Variants in ZPBP observed in about 807,000 individuals in gnomAD.
The protein encoded by ZPBP is zona pellucida binding protein, also known as zona pellucida-binding protein 1.
A neutral mutation model predicts 44.8 loss-of-function variants in ZPBP; 26 were observed. That is an observed-to-expected ratio of 0.58 (90% CI 0.43 to 0.81). The LOEUF (loss-of-function observed/expected upper bound fraction) is 0.81, where lower values mean the gene tolerates loss of function less well. ZPBP is among the 30% of genes least tolerant of loss of function. The probability of loss-of-function intolerance (pLI) is 0.00; values close to 1 mark genes in which losing one functional copy is unlikely to be tolerated. For synonymous variants in ZPBP, 174 were observed against 153.2 expected (o/e 1.14, Z -1.00); for missense variants, 409 against 434.0 (o/e 0.94, Z 0.51).
chr7:49,979,979 AT>A (rs1363392891), intron 7 of ZPBP, among the ~76,000 whole-genome samples: 6 of 106,294 alleles, frequency 5.6e-5, no homozygotes, highest in South Asian at 2.6e-4. Context: ...TATATTATAT[AT>A]TAATATAATT....
intron 7 of ZPBP, among the ~76,000 whole-genome samples, chr7:49,979,869 A>T (rs866531730): frequency 4.2e-5 from 3 of 71,156 alleles, no homozygotes; most frequent in Non-Finnish European, 8.3e-5. Context: ...ATATAATATA[A>T]TATATTATAT....
intron 4 of ZPBP, among the ~76,000 whole-genome samples, chr7:50,049,634 A>T (rs1482129475): frequency 6.6e-6 from 1 of 152,036 alleles, no homozygotes; most frequent in African/African-American, 2.4e-5. Context: ...ACAATCCTCA[A>T]ATATAAACGT....
Position 50,081,792 on chromosome 7 carries a change from T to C in ZPBP, c.316A>G (p.Lys106Glu). 1 of 1,611,352 alleles carries C rather than the reference T, an allele frequency of 6.2e-7. No homozygotes were observed. Among genetic ancestry groups the C allele is most frequent in the East Asian group, 2.2e-5 (1 of 44,758 alleles). ...ATCCTACCTGAAACAACTTTTCCTTTAGGCCCATACCATTGGAATGATGGG... is the reference window on the plus strand; with the variant it reads ...ATCCTACCTGAAACAACTTTTCCTTCAGGCCCATACCATTGGAATGATGGG... Reference protein sequence around the residue: ...IDPSFQWYGPKGKVVSVENRT... With the variant: ...IDPSFQWYGPEGKVVSVENRT... The change falls in exon 3 of 8, where the codon AAA becomes GAA. Residue 106 changes from lysine (K) to glutamate (E), a missense_variant. By Grantham distance (56) the Lys-to-Glu change is moderately conservative. This residue lies in a region of ZPBP where 367 missense variants were observed against 363.1 expected (regional missense o/e 1.01). Transcript: ENST00000046087.
intron 5 of ZPBP, 23 bp downstream of exon 5, chr7:50,031,069 T>A (rs1389897527): frequency 6.2e-7 from 1 of 1,607,768 alleles, no homozygotes; most frequent in East Asian, 2.2e-5. Flanking sequence ...CATTTGCTTT[T>A]CTAACAAATT....
rs1434362742 is a variant in ZPBP, at chr7:49,979,683, T to C, written c.961+3659A>G. ...TTCAAAATACTTATAATTGAGGAGATGCAAATATTTTAACAATTTTAGTTT... is the reference window on the plus strand; with the variant it reads ...TTCAAAATACTTATAATTGAGGAGACGCAAATATTTTAACAATTTTAGTTT... On this transcript the variant is annotated intron_variant, in intron 7 of 7. Transcript: ENST00000046087. 6.0e-5 allele frequency among the ~76,000 whole-genome samples: 9 copies of C among 150,694 alleles called. No individual in the cohort carries two copies. In the East Asian group the frequency reaches 1.8e-3, roughly 29 times the overall value.
intron 6 of ZPBP, 35 bp downstream of exon 6, chr7:50,018,204 CT>C (rs754081037): frequency 4.7e-5 from 72 of 1,524,786 alleles, no homozygotes; most frequent in Non-Finnish European, 5.3e-5. Context: ...GTTCATTTAA[CT>C]TTTTTTTTCC....
At chr7:49,986,331 C>A (rs1441517093) in intron 6 of ZPBP, among the ~76,000 whole-genome samples, 1 of 152,176 alleles carries the variant, frequency 6.6e-6, no homozygotes, top group Non-Finnish European at 1.5e-5. Flanking sequence ...TGTAATGGCA[C>A]CACCCCACCA....
intron 3 of ZPBP, among the ~76,000 whole-genome samples, chr7:50,071,636 G>T (rs980433936): frequency 2.0e-5 from 3 of 152,100 alleles, no homozygotes; most frequent in African/African-American, 7.2e-5. Context: ...GAGAGGAAAG[G>T]AAAGAGTGGG....
In ZPBP at chr7:49,937,493, ATT is replaced by A. The variant is rs1794661913; in HGVS notation, c.*33_*34del. ...TTAATATTTCAAATATATACTTTGCATTTAATAAACCACTGAATAACTGAAGA... is the reference window on the plus strand; with the variant it reads ...TTAATATTTCAAATATATACTTTGCATAATAAACCACTGAATAACTGAAGA... On this transcript the variant is annotated 3_prime_UTR_variant, in exon 8 of 8. Transcript: ENST00000046087. 3 of 1,465,142 alleles carry A rather than the reference ATT, an allele frequency of 2.0e-6. No homozygotes were observed. The highest frequency in any genetic ancestry group is 2.9e-6 in the Non-Finnish European group (3 of 1,044,806). 90.8% of individuals were successfully genotyped at this position (1,465,142 alleles called of 1,614,324 possible). A position where few individuals can be genotyped will look rare whatever the true frequency, so the allele number is the denominator to read the frequency against.
chr7:49,939,227 A>G (rs999120833), intron 7 of ZPBP, among the ~76,000 whole-genome samples: 1 of 152,218 alleles, frequency 6.6e-6, no homozygotes, highest in Admixed American at 6.6e-5. Context: ...ATCATTACAC[A>G]TGCAGAAGAG....
At chr7:49,899,418 T>C (rs778901966) in intron 2 of ZPBP, among the ~76,000 whole-genome samples, 27 of 152,118 alleles carry the variant, frequency 1.8e-4, no homozygotes, top group Admixed American at 3.9e-4. Flanking sequence ...ACTGAAACCA[T>C]GGAAAGCAAA....
rs144459071 is a variant in ZPBP at position 49,868,888 on chromosome 7, G to A, written n.510-18374C>T. Among the ~76,000 whole-genome samples the A allele has an allele frequency of 6.8e-4, 104 of 152,284 alleles. 1 individual carries two copies. The East Asian group carries it at 0.018, about 27-fold the overall frequency. On this transcript the variant is annotated intron_variant and non_coding_transcript_variant, in intron 2 of 2. Transcript: ENST00000465922. ...CCTGCCTCGGCCTCCCAAAGTGCTG[G>A]GATTACGGGCATGAGCCACTGCACC...
At chr7:49,877,805 A>C (rs188230660) in intron 2 of ZPBP, among the ~76,000 whole-genome samples, 297 of 151,868 alleles carry the variant, frequency 2.0e-3, no homozygotes, top group Middle Eastern at 0.01. Flanking sequence ...ATTATTTGAA[A>C]TAAGGAGTAG....
intron 7 of ZPBP, chr7:49,944,307 T>C: frequency 3.5e-6 from 1 of 284,776 alleles, no homozygotes; most frequent in Non-Finnish European, 6.8e-6. Context: ...TTCTTTTGCC[T>C]GTACATATTC....
chr7:50,091,584 G>C (rs950447780), intron 1 of ZPBP, among the ~76,000 whole-genome samples: 1 of 152,112 alleles, frequency 6.6e-6, no homozygotes, highest in African/African-American at 2.4e-5. Context: ...TTATACTATA[G>C]TTCTTGATAC....
chr7:49,881,917 TA>T (rs1380150591), intron 2 of ZPBP, among the ~76,000 whole-genome samples: 1 of 152,090 alleles, frequency 6.6e-6, no homozygotes, highest in East Asian at 1.9e-4. Context: ...AATTTCCAAT[TA>T]ATTAAAATTT....
At chr7:50,047,934 G>C (rs1800470634) in intron 4 of ZPBP, among the ~76,000 whole-genome samples, 1 of 152,106 alleles carries the variant, frequency 6.6e-6, no homozygotes, top group Admixed American at 6.6e-5. Flanking sequence ...TGTTTCCGTT[G>C]GATTTAACAA....
chr7:49,957,862 T>A (rs1434933721), intron 7 of ZPBP, among the ~76,000 whole-genome samples: 1 of 152,170 alleles, frequency 6.6e-6, no homozygotes, highest in Non-Finnish European at 1.5e-5. Context: ...GCAGCAGGCA[T>A]CTGACTCCAA....
chr7:50,011,577 T>C (rs749796070), intron 6 of ZPBP, among the ~76,000 whole-genome samples: 1 of 152,206 alleles, frequency 6.6e-6, no homozygotes, highest in South Asian at 2.1e-4. Context: ...AGTATTTTAA[T>C]ATGTACATAA....
Sources: allele counts gnomAD v4.1 joint callset (sites outside exome capture counted in the v4.1 genomes callset), GRCh38; gene constraint gnomAD v4.1.1; regional missense constraint gnomAD v4.1.1; transcripts MANE v1.5; gene names NCBI Gene and HGNC (gene_info 2026-07-23, HGNC 2026-07-21).